MALT1: variants seen among roughly 807,000 people sequenced by gnomAD.
The protein encoded by MALT1 is MALT1 paracaspase.
Under a neutral mutation model 85.5 loss-of-function variants are expected in MALT1, and 36 were observed. The ratio of observed to expected loss-of-function variants is 0.42; its 90% confidence interval spans 0.32 to 0.56. MALT1 has a LOEUF of 0.56. MALT1 is among the 20% of genes least tolerant of loss of function. The pLI is 0.10. For missense variants in MALT1, 716 were observed against 981.6 expected, an observed-to-expected ratio of 0.73 and a Z score of 3.62; for synonymous variants, 359 against 361.3, an observed-to-expected ratio of 0.99 and a Z score of 0.07.
intron 2 of MALT1, among the ~76,000 whole-genome samples, chr18:58,687,379 T>C (rs2054419941): frequency 6.6e-6 from 1 of 152,226 alleles, no homozygotes; most frequent in Non-Finnish European, 1.5e-5. Context: ...GATTTAGCTA[T>C]AATCTATACA....
At chr18:58,690,545 T>A in intron 2 of MALT1, 1 of 165,262 alleles carries the variant, frequency 6.1e-6, no homozygotes. Flanking sequence ...GAGAGAGATG[T>A]ACTTCACGCC....
At chr18:58,743,449 C>A (rs981833425) in intron 14 of MALT1, among the ~76,000 whole-genome samples, 2 of 152,102 alleles carry the variant, frequency 1.3e-5, no homozygotes, top group Non-Finnish European at 2.9e-5. Context: ...ATGTAAAATG[C>A]TATAAATATC....
At chr18:58,709,638 AACTCAT>A (rs1443498750) in intron 5 of MALT1, 82 bp downstream of exon 5, 4 of 1,142,902 alleles carry the variant, frequency 3.5e-6, no homozygotes, top group Non-Finnish European at 4.9e-6. Flanking sequence ...TGAACATTAA[AACTCAT>A]ATCCTTTCAG....
At chr18:58,690,726 AC>A in intron 2 of MALT1, 1 of 203,724 alleles carries the variant, frequency 4.9e-6, no homozygotes, top group Non-Finnish European at 1.1e-5. Context: ...TATGTCTTTC[AC>A]CAGCGTTGCC....
rs755577763 is a variant in MALT1 at position 58,741,921 on chromosome 18, T to A, written c.1660T>A (p.Leu554Ile). The stretch of plus-strand genomic sequence containing the variant: ...ACAGGCTCTAGAGATTCGAAGTAGT[T>A]TATCTGAGAAGAGAGCACTTACTGA... Reference protein sequence around the residue: ...GKQALEIRSSLSEKRALTDPI... With the variant: ...GKQALEIRSSISEKRALTDPI... Residue 554 changes from leucine to isoleucine, a missense_variant, in exon 14 of 17, where the codon TTA becomes ATA. Leu to Ile is a conservative substitution (Grantham distance 5, BLOSUM62 2). Around this residue, in one of 4 missense-constraint regions of MALT1, gnomAD observed 260 missense variants for 323.7 expected, o/e 0.80. Coordinates refer to ENST00000649217, the MANE Select transcript of MALT1 (RefSeq NM_006785.4). 3.2e-6 allele frequency: 5 copies of A among 1,569,002 alleles called. No individual in the cohort carries two copies. The highest frequency in any genetic ancestry group is 4.4e-6 in the Non-Finnish European group (5 of 1,146,636).
At chr18:58,677,006 A>ATT (rs2054250311) in intron 1 of MALT1, among the ~76,000 whole-genome samples, 1 of 152,204 alleles carries the variant, frequency 6.6e-6, no homozygotes. Context: ...TTAAAAAGTA[A>ATT]AGTACATTTG....
At chr18:58,737,893 A>G (rs1051863894) in intron 13 of MALT1, among the ~76,000 whole-genome samples, 4 of 152,142 alleles carry the variant, frequency 2.6e-5, no homozygotes, top group Non-Finnish European at 5.9e-5. Context: ...CACCTTACCA[A>G]TTTCAACTGT....
At chr18:58,676,983 AAT>A (rs2054249639) in intron 1 of MALT1, among the ~76,000 whole-genome samples, 1 of 152,214 alleles carries the variant, frequency 6.6e-6, no homozygotes. Flanking sequence ...TAAAGATAAA[AAT>A]AGAGATATTT....
chr18:58,695,022 C>A (rs2054567165), intron 2 of MALT1, among the ~76,000 whole-genome samples: 2 of 152,156 alleles, frequency 1.3e-5, no homozygotes, highest in South Asian at 4.1e-4. Context: ...TCTTTCTCTG[C>A]TGTTCTTGTG....
chr18:58,734,008 C>G, intron 11 of MALT1: 1 of 1,191,702 alleles, frequency 8.4e-7, no homozygotes, highest in Non-Finnish European at 1.0e-6. Flanking sequence ...CTGCCATTGC[C>G]TTTCTAAGGA....
At chr18:58,706,862 G>A (rs571360365) in intron 4 of MALT1, among the ~76,000 whole-genome samples, 9 of 152,078 alleles carry the variant, frequency 5.9e-5, no homozygotes, top group Admixed American at 2.6e-4. Context: ...AATTTTTCCT[G>A]CTTGGAATTC....
At chr18:58,716,960 T>G (rs7238078) in intron 9 of MALT1, among the ~76,000 whole-genome samples, 36,890 of 152,128 alleles carry the variant, frequency 0.24, 4,574 homozygotes, top group Middle Eastern at 0.34. Context: ...CTTTTGAGAT[T>G]AAAAAGAAGG....
intron 3 of MALT1, 102 bp from the exon 4 acceptor site, chr18:58,700,339 G>C: frequency 2.4e-6 from 2 of 840,858 alleles, no homozygotes; most frequent in Non-Finnish European, 3.5e-6. Flanking sequence ...GAAAAATGTT[G>C]CACTTTCAAA....
chr18:58,739,274 A>G (rs189753331), intron 13 of MALT1, among the ~76,000 whole-genome samples: 1 of 152,226 alleles, frequency 6.6e-6, no homozygotes, highest in East Asian at 1.9e-4. Context: ...TGGGCCTGTA[A>G]TTTTACTTTC....
At chr18:58,692,322 G>A (rs2054517698) in intron 2 of MALT1, among the ~76,000 whole-genome samples, 1 of 151,884 alleles carries the variant, frequency 6.6e-6, no homozygotes, top group Admixed American at 6.6e-5. Context: ...ATTGTTTTGG[G>A]GTGCCACAAA....
intron 10 of MALT1, among the ~76,000 whole-genome samples, chr18:58,729,790 CAG>C (rs1341748751): frequency 6.6e-6 from 1 of 152,180 alleles, no homozygotes; most frequent in Non-Finnish European, 1.5e-5. Flanking sequence ...AAGAGCTACT[CAG>C]AGTGTGTAAA....
At chr18:58,680,215 A>G (rs950876702) in intron 1 of MALT1, among the ~76,000 whole-genome samples, 6 of 152,228 alleles carry the variant, frequency 3.9e-5, no homozygotes, top group Admixed American at 6.5e-5. Context: ...GATCTTGGTA[A>G]TAACAAACGC....
At chr18:58,727,078 T>C (rs2055065678) in intron 10 of MALT1, among the ~76,000 whole-genome samples, 1 of 152,256 alleles carries the variant, frequency 6.6e-6, no homozygotes, top group African/African-American at 2.4e-5. Context: ...ATTATCCCTG[T>C]GCCTGGCACA....
In MALT1 at chr18:58,726,815, TC is replaced by T. The variant is rs1873068953; in HGVS notation, c.1222+3565del. ...CGCTTGCTGCAGCTTAGTTGTGCTT[TC>T]GTGTAGAAGAACGGTAAAGGAGTCT... On this transcript the variant is annotated intron_variant, in intron 10 of 16. Transcript: ENST00000649217. 2.0e-5 allele frequency among the ~76,000 whole-genome samples: 3 copies of T among 152,212 alleles called. No homozygotes were observed. The South Asian group carries it at 6.2e-4, about 31-fold the overall frequency.
Sources: gnomAD v4.1 joint callset for allele counts (sites outside exome capture counted in the v4.1 genomes callset) on GRCh38, gnomAD v4.1.1 for gene constraint, gnomAD v4.1.1 regional missense constraint, MANE v1.5 for transcripts, NCBI Gene and HGNC (gene_info 2026-07-23, HGNC 2026-07-21) for gene names.